CABCOCO1: variants seen among roughly 807,000 people sequenced by gnomAD.
The protein encoded by CABCOCO1 is ciliary-associated calcium-binding coiled-coil protein 1.
In CABCOCO1, 28 loss-of-function variants were observed where a neutral mutation model predicts 35.7. The observed-to-expected ratio is 0.78, with a 90% confidence interval of 0.58 to 1.07. CABCOCO1 has a LOEUF of 1.07. Among genes scored for constraint, CABCOCO1 ranks in the 50% least tolerant of loss-of-function variants. The pLI is 0.00. For missense variants in CABCOCO1, 326 were observed against 309.2 expected (o/e 1.05, Z -0.41); for synonymous variants, 95 against 100.1 (o/e 0.95, Z 0.30).
chr10:61,738,589 AATG>A (rs1255657002), intron 5 of CABCOCO1, among the ~76,000 whole-genome samples: 1 of 152,240 alleles, frequency 6.6e-6, no homozygotes, highest in African/African-American at 2.4e-5. Context: ...AAAACATCTT[AATG>A]ATAAGTCCAG....
intron 5 of CABCOCO1, among the ~76,000 whole-genome samples, chr10:61,704,756 A>C (rs1469831987): frequency 6.6e-6 from 1 of 151,666 alleles, no homozygotes; most frequent in Non-Finnish European, 1.5e-5. Context: ...AGCAGCCGAA[A>C]TCTCTCTCTT....
At chr10:61,762,320 T>A (rs1842024695) in intron 7 of CABCOCO1, among the ~76,000 whole-genome samples, 2 of 152,120 alleles carry the variant, frequency 1.3e-5, no homozygotes. Context: ...AATATTACAG[T>A]CTGCAGCATT....
intron 5 of CABCOCO1, chr10:61,701,691 G>A (rs912154927): frequency 2.0e-6 from 2 of 984,950 alleles, no homozygotes; most frequent in Non-Finnish European, 2.4e-6. Flanking sequence ...CTTTTCTAGG[G>A]TGTCCAGATA....
intron 1 of CABCOCO1, among the ~76,000 whole-genome samples, 130 bp from the exon 2 acceptor site, chr10:61,672,502 C>G (rs758944145): frequency 6.6e-6 from 1 of 152,134 alleles, no homozygotes; most frequent in Non-Finnish European, 1.5e-5. Flanking sequence ...GATACCATCT[C>G]GAAGATTGTT....
At position 61,697,862 on chromosome 10, in the gene CABCOCO1, C is replaced by T. The variant is rs1297235320; in HGVS notation, c.552+7241C>T. On this transcript the variant is annotated intron_variant, in intron 5 of 7. Transcript: ENST00000648843. ...GGAAAAAATACGTGAACTCTCAATC[C>T]ATAAAATTAAGTGCTTTACAAGTGT... 5.3e-5 allele frequency among the ~76,000 whole-genome samples: 8 copies of T among 152,032 alleles called. No individual in the cohort carries two copies. In the East Asian group the frequency reaches 1.5e-3, roughly 29 times the overall value.
At chr10:61,742,662 T>C (rs1841574153) in intron 5 of CABCOCO1, among the ~76,000 whole-genome samples, 1 of 152,124 alleles carries the variant, frequency 6.6e-6, no homozygotes, top group African/African-American at 2.4e-5. Context: ...AATAAAACAA[T>C]GTGTGCAAAA....
intron 5 of CABCOCO1, among the ~76,000 whole-genome samples, chr10:61,701,066 C>T (rs1589130278): frequency 6.6e-6 from 1 of 151,962 alleles, no homozygotes; most frequent in Admixed American, 6.6e-5. Flanking sequence ...TGATGAAAAG[C>T]ATTTGATGTT....
intron 5 of CABCOCO1, among the ~76,000 whole-genome samples, chr10:61,741,141 T>C (rs1199656856): frequency 6.6e-6 from 1 of 151,522 alleles, no homozygotes; most frequent in Non-Finnish European, 1.5e-5. Flanking sequence ...TGAGACTCTA[T>C]CTCAAAGAAA....
intron 5 of CABCOCO1, among the ~76,000 whole-genome samples, chr10:61,712,678 T>C (rs1840760805): frequency 1.3e-5 from 2 of 152,250 alleles, no homozygotes; most frequent in African/African-American, 2.4e-5. Flanking sequence ...AAATAATTTA[T>C]GTATAAGGTG....
intron 5 of CABCOCO1, among the ~76,000 whole-genome samples, chr10:61,697,346 A>T (rs913951785): frequency 6.6e-6 from 1 of 152,124 alleles, no homozygotes; most frequent in South Asian, 2.1e-4. Flanking sequence ...ACTATAAAAA[A>T]CTATCAAGTC....
chr10:61,753,486 C>T (rs1017245620), intron 5 of CABCOCO1, among the ~76,000 whole-genome samples: 1 of 152,070 alleles, frequency 6.6e-6, no homozygotes, highest in Non-Finnish European at 1.5e-5. Flanking sequence ...TGAAGAGCTC[C>T]GGTATTTCAT....
intron 5 of CABCOCO1, among the ~76,000 whole-genome samples, chr10:61,692,920 CTT>C (rs1339619688): frequency 1.3e-5 from 2 of 152,076 alleles, no homozygotes; most frequent in African/African-American, 4.8e-5. Context: ...TCAAGCAAAA[CTT>C]TGGGAAAATG....
intron 7 of CABCOCO1, among the ~76,000 whole-genome samples, chr10:61,765,134 A>G (rs1842081116): frequency 6.6e-6 from 1 of 152,172 alleles, no homozygotes; most frequent in African/African-American, 2.4e-5. Flanking sequence ...ACAGCGGTAG[A>G]CATTTTAAAA....
intron 1 of CABCOCO1, among the ~76,000 whole-genome samples, chr10:61,664,262 C>T (rs1445876433): frequency 6.6e-6 from 1 of 152,034 alleles, no homozygotes; most frequent in Non-Finnish European, 1.5e-5. Flanking sequence ...GGAAATTTTC[C>T]AATTAAATTG....
chr10:61,708,382 T>C (rs1274552452), intron 5 of CABCOCO1, among the ~76,000 whole-genome samples: 1 of 152,060 alleles, frequency 6.6e-6, no homozygotes. Context: ...AGGTTCCTCC[T>C]CATTAAAATT....
chr10:61,698,622 A>G (rs756359213), intron 5 of CABCOCO1, among the ~76,000 whole-genome samples: 1 of 152,158 alleles, frequency 6.6e-6, no homozygotes, highest in Admixed American at 6.6e-5. Flanking sequence ...ATATAATTTC[A>G]TGTTCTGAGC....
rs1016938683 is a variant in CABCOCO1 at position 61,734,614 on chromosome 10, A to G, written c.553-25445A>G. ...ACACAATGGATTTTTATCTCTTCAC[A>G]TAAATCTTTTTAAATCTGTCTCCTG... On this transcript the variant is annotated intron_variant, in intron 5 of 7. Coordinates refer to ENST00000648843, the MANE Select transcript of CABCOCO1 (RefSeq NM_001366906.2). 2.0e-5 allele frequency among the ~76,000 whole-genome samples: 3 copies of G among 152,128 alleles called. No individual in the cohort carries two copies. The South Asian group carries it at 6.2e-4, about 31-fold the overall frequency.
chr10:61,694,077 C>A lies in CABCOCO1; in HGVS notation c.552+3456C>A, dbSNP rs911941259. ...ATTTCTGGAACTTGTTAGTGTATTA[C>A]TTTACATGGTAAAAGGGACTTCGAG... On this transcript the variant is annotated intron_variant, in intron 5 of 7. Coordinates refer to ENST00000648843, the MANE Select transcript of CABCOCO1 (RefSeq NM_001366906.2). 3.3e-5 allele frequency among the ~76,000 whole-genome samples: 5 copies of A among 151,738 alleles called. No individual in the cohort carries two copies. The Admixed American group carries it at 3.3e-4, about 10-fold the overall frequency.
intron 5 of CABCOCO1, among the ~76,000 whole-genome samples, chr10:61,730,128 T>C (rs1278585305): frequency 6.6e-6 from 1 of 151,298 alleles, no homozygotes; most frequent in African/African-American, 2.4e-5. Flanking sequence ...CAATGAGCAC[T>C]CTTAGCACCC....
Sources: gnomAD v4.1 joint callset for allele counts (sites outside exome capture counted in the v4.1 genomes callset) on GRCh38, gnomAD v4.1.1 for gene constraint, MANE v1.5 for transcripts, NCBI Gene and HGNC (gene_info 2026-07-23, HGNC 2026-07-21) for gene names.